The following NALF1 variants were observed in gnomAD, a reference collection of about 807,000 sequenced individuals.
The protein encoded by NALF1 is family with sequence similarity 155 member A.
In NALF1, 3 loss-of-function variants were observed where a neutral mutation model predicts 48.4. The observed-to-expected ratio is 0.06, with a 90% CI of 0.03 to 0.16. The LOEUF is 0.16. Among genes scored for constraint, NALF1 ranks in the 10% least tolerant of loss-of-function variants. NALF1 has a pLI of 1.00. For missense variants in NALF1, 526 were observed against 571.5 expected, an observed-to-expected ratio of 0.92 and a Z score of 0.81; for synonymous variants, 262 against 245.7, an observed-to-expected ratio of 1.07 and a Z score of -0.62.
intron 1 of NALF1, among the ~76,000 whole-genome samples, chr13:107,213,658 G>C (rs1007327197): frequency 6.6e-6 from 1 of 151,260 alleles, no homozygotes; most frequent in African/African-American, 2.4e-5. Flanking sequence ...GTGTAGATGT[G>C]TTTACAATAA....
chr13:107,782,892 C>A (rs1877944987), intron 1 of NALF1, among the ~76,000 whole-genome samples: 1 of 151,538 alleles, frequency 6.6e-6, no homozygotes. Context: ...AGCGTCTCCG[C>A]CCGGCAGCCG....
chr13:107,177,733 C>T (rs192300731), intron 2 of NALF1, among the ~76,000 whole-genome samples: 14 of 152,216 alleles, frequency 9.2e-5, no homozygotes, highest in East Asian at 5.8e-4. Flanking sequence ...TTGCCATATA[C>T]GAAAATCAAA....
At chr13:107,353,136 AT>A (rs1882905156) in intron 1 of NALF1, among the ~76,000 whole-genome samples, 1 of 152,046 alleles carries the variant, frequency 6.6e-6, no homozygotes, top group Non-Finnish European at 1.5e-5. Flanking sequence ...TGCAGTCCTC[AT>A]CCCCCCACTT....
chr13:107,527,562 T>C (rs1005770950), intron 1 of NALF1, among the ~76,000 whole-genome samples: 1 of 152,150 alleles, frequency 6.6e-6, no homozygotes, highest in Admixed American at 6.6e-5. Context: ...TAAAATGCTC[T>C]GGGCACGTAA....
intron 1 of NALF1, among the ~76,000 whole-genome samples, chr13:107,454,689 T>C (rs911382842): frequency 6.6e-6 from 1 of 152,154 alleles, no homozygotes; most frequent in African/African-American, 2.4e-5. Context: ...TGAGAGGTTT[T>C]CACACTTCTC....
intron 1 of NALF1, among the ~76,000 whole-genome samples, chr13:107,670,774 C>T (rs774327391): frequency 6.6e-5 from 10 of 152,040 alleles, no homozygotes; most frequent in Admixed American, 2.0e-4. Flanking sequence ...AACCCTAAGA[C>T]GTTTTCTGAA....
chr13:107,513,336 T>C (rs1875956179), intron 1 of NALF1, among the ~76,000 whole-genome samples: 1 of 152,162 alleles, frequency 6.6e-6, no homozygotes, highest in Non-Finnish European at 1.5e-5. Context: ...CTCAAAACTA[T>C]AGAAAAGTTG....
intron 1 of NALF1, among the ~76,000 whole-genome samples, chr13:107,556,294 T>C (rs1018599): frequency 0.062 from 6,042 of 97,416 alleles, 231 homozygotes; most frequent in East Asian, 0.32. Flanking sequence ...TATATATATA[T>C]ATACACACAC....
intron 1 of NALF1, among the ~76,000 whole-genome samples, chr13:107,714,651 T>C (rs1285677876): frequency 1.1e-5 from 1 of 94,102 alleles, no homozygotes; most frequent in Admixed American, 1.2e-4. Context: ...AAAGATAAAA[T>C]TGGGAAACTT....
At chr13:107,769,776 T>C (rs1877525820) in intron 1 of NALF1, among the ~76,000 whole-genome samples, 1 of 152,182 alleles carries the variant, frequency 6.6e-6, no homozygotes, top group Non-Finnish European at 1.5e-5. Flanking sequence ...CAGTCCCTGA[T>C]TAAATCACCA....
intron 1 of NALF1, among the ~76,000 whole-genome samples, chr13:107,245,754 C>CT (rs938559879): frequency 5.9e-5 from 9 of 151,392 alleles, no homozygotes; most frequent in South Asian, 4.2e-4. Flanking sequence ...TAAGGGATTT[C>CT]TTTTTTTTTA....
intron 1 of NALF1, among the ~76,000 whole-genome samples, chr13:107,545,052 C>T (rs927450048): frequency 6.6e-6 from 1 of 152,148 alleles, no homozygotes; most frequent in Non-Finnish European, 1.5e-5. Flanking sequence ...AAAGATATGC[C>T]GACGTCCTAA....
At chr13:107,685,174 C>T (rs1026807898) in intron 1 of NALF1, among the ~76,000 whole-genome samples, 1 of 152,176 alleles carries the variant, frequency 6.6e-6, no homozygotes, top group Admixed American at 6.5e-5. Flanking sequence ...ATTAGCCAGG[C>T]GTGGTGGCGC....
At chr13:107,594,710 G>T (rs73595205) in intron 1 of NALF1, among the ~76,000 whole-genome samples, 2,210 of 152,108 alleles carry the variant, frequency 0.015, 51 homozygotes, top group African/African-American at 0.05. Flanking sequence ...GTATTTGAGT[G>T]ACCCAAAATC....
intron 1 of NALF1, among the ~76,000 whole-genome samples, chr13:107,581,681 C>T (rs559433897): frequency 6.6e-6 from 1 of 152,192 alleles, no homozygotes; most frequent in South Asian, 2.1e-4. Flanking sequence ...TGGATATATC[C>T]TTGCAAGCAG....
chr13:107,803,456 A>G (rs544826092), intron 1 of NALF1, among the ~76,000 whole-genome samples: 5 of 152,280 alleles, frequency 3.3e-5, no homozygotes, highest in African/African-American at 9.6e-5. Flanking sequence ...TGGATTAAGA[A>G]CCTTTAAAAA....
chr13:107,390,138 CA>C (rs1427543756), intron 1 of NALF1, among the ~76,000 whole-genome samples: 1 of 152,016 alleles, frequency 6.6e-6, no homozygotes, highest in African/African-American at 2.4e-5. Flanking sequence ...GGGAGGCTGA[CA>C]GGGGCAGATC....
At position 107,860,155 on chromosome 13, in the gene NALF1, C is replaced by T. The variant is rs116789228; in HGVS notation, c.915+5527G>A. ...TTAAACAGTCAAAACTCTGGCCCTC[C>T]ACACATCCATCTCCTTCTCTCCATG... is the stretch of plus-strand genomic sequence containing the variant. On this transcript the variant is annotated intron_variant, in intron 1 of 2. Coordinates refer to ENST00000375915, the MANE Select transcript of NALF1 (RefSeq NM_001080396.3). Among the ~76,000 whole-genome samples the T allele has an allele frequency of 6.1e-3, 930 of 152,190 alleles. 8 individuals are homozygous for T. The highest frequency in any genetic ancestry group is 0.021 in the African/African-American group (879 of 41,516).
intron 1 of NALF1, among the ~76,000 whole-genome samples, chr13:107,431,951 T>C (rs951104171): frequency 6.6e-6 from 1 of 152,214 alleles, no homozygotes; most frequent in African/African-American, 2.4e-5. Context: ...TCATTGCACC[T>C]TTTTATCAAT....
Sources: allele counts gnomAD v4.1 joint callset (sites outside exome capture counted in the v4.1 genomes callset), GRCh38; gene constraint gnomAD v4.1.1; transcripts MANE v1.5; gene names NCBI Gene and HGNC (gene_info 2026-07-23, HGNC 2026-07-21).